The following HHAT variants were observed in gnomAD, a reference collection of about 807,000 sequenced individuals.
HHAT encodes hedgehog acyltransferase, also known as protein-cysteine N-palmitoyltransferase HHAT.
In HHAT, 47 loss-of-function variants were observed where a neutral mutation model predicts 70.8. That is an observed-to-expected ratio of 0.66 (90% CI 0.53 to 0.85). The LOEUF (loss-of-function observed/expected upper bound fraction) is 0.85, where lower values mean the gene tolerates loss of function less well. Ranked by LOEUF, HHAT falls within the 40% of genes least tolerant of loss-of-function variation. HHAT has a pLI of 0.00. For synonymous variants in HHAT, 228 were observed against 247.6 expected (o/e 0.92, Z 0.74); for missense variants, 609 against 604.8 (o/e 1.01, Z -0.07).
At chr1:210,602,167 G>A (rs535050052) in intron 10 of HHAT, among the ~76,000 whole-genome samples, 10 of 152,234 alleles carry the variant, frequency 6.6e-5, no homozygotes, top group African/African-American at 2.2e-4. Context: ...CTCAGGGGTC[G>A]AGTAAAATGA....
At chr1:210,351,294 G>A (rs2086993752) in intron 2 of HHAT, among the ~76,000 whole-genome samples, 1 of 152,144 alleles carries the variant, frequency 6.6e-6, no homozygotes, top group African/African-American at 2.4e-5. Context: ...TGGATTGGAT[G>A]GTGCCCACCT....
chr1:210,425,742 A>G (rs75296578), intron 7 of HHAT, among the ~76,000 whole-genome samples: 1 of 152,070 alleles, frequency 6.6e-6, no homozygotes, highest in Admixed American at 6.6e-5. Context: ...TGGTTACTAT[A>G]GCCCTTTAGT....
intron 3 of HHAT, among the ~76,000 whole-genome samples, chr1:210,373,235 G>C (rs1369204438): frequency 3.3e-5 from 5 of 152,106 alleles, no homozygotes; most frequent in African/African-American, 1.2e-4. Flanking sequence ...CAGAGAGAAA[G>C]GGGGACGGGA....
chr1:210,589,103 T>C (rs1661110946), intron 10 of HHAT: 1 of 152,236 alleles, frequency 6.6e-6, no homozygotes, highest in South Asian at 2.1e-4. Flanking sequence ...GGCATCAGTG[T>C]TCATGGCAGG....
chr1:210,362,903 T>C lies in HHAT; in HGVS notation c.143T>C (p.Phe48Ser), dbSNP rs201701816. 5.0e-6 allele frequency: 8 copies of C among 1,612,944 alleles called. No homozygotes were observed. Among genetic ancestry groups the C allele is most frequent in the Non-Finnish European group, 1.7e-6 (2 of 1,179,074 alleles). The change falls in exon 3 of 12, where the codon TTT (phenylalanine) becomes TCT (serine). Residue 48 changes from phenylalanine (F) to serine (S), a missense_variant. Physicochemically the swap from Phe to Ser is radical, Grantham distance 155. Transcript: ENST00000261458. ...TTTGAGCTGGAGACTGACACTTTAT[T>C]TGGAGGATTAAAGAAGGTACAAAGT... Reference protein sequence around the residue: ...QEFELETDTLFGGLKKDATDF... With the variant: ...QEFELETDTLSGGLKKDATDF...
At chr1:210,657,645 C>T (rs912580207) in intron 11 of HHAT, among the ~76,000 whole-genome samples, 2 of 152,232 alleles carry the variant, frequency 1.3e-5, no homozygotes, top group African/African-American at 4.8e-5. Flanking sequence ...ATGTCAGAAG[C>T]ATTTGCTGAC....
At chr1:210,660,860 A>G (rs1304704180) in intron 11 of HHAT, among the ~76,000 whole-genome samples, 4 of 152,236 alleles carry the variant, frequency 2.6e-5, no homozygotes, top group African/African-American at 9.6e-5. Context: ...CTGGCCAGCC[A>G]TATGTAGAAA....
At chr1:210,634,900 G>A (rs570106865) in intron 11 of HHAT, among the ~76,000 whole-genome samples, 1 of 152,328 alleles carries the variant, frequency 6.6e-6, no homozygotes, top group South Asian at 2.1e-4. Flanking sequence ...ATCTGAGGCA[G>A]GAGAAAGAGG....
At chr1:210,412,059 G>C (rs2092576269) in intron 6 of HHAT, among the ~76,000 whole-genome samples, 1 of 152,150 alleles carries the variant, frequency 6.6e-6, no homozygotes, top group Admixed American at 6.5e-5. Context: ...TCACAGGATG[G>C]TACCTGTCAC....
At chr1:210,537,030 A>G (rs1426560195) in intron 9 of HHAT, among the ~76,000 whole-genome samples, 3 of 143,898 alleles carry the variant, frequency 2.1e-5, no homozygotes, top group Non-Finnish European at 3.0e-5. Flanking sequence ...AAGAAGGTGT[A>G]AAAAAAAAAA....
At chr1:210,536,942 G>GGA (rs1435119205) in intron 9 of HHAT, among the ~76,000 whole-genome samples, 1 of 152,034 alleles carries the variant, frequency 6.6e-6, no homozygotes, top group Non-Finnish European at 1.5e-5. Flanking sequence ...CCTGGGGTGT[G>GGA]GAGAGAGAGG....
At chr1:210,558,381 G>A (rs1351325693) in intron 9 of HHAT, among the ~76,000 whole-genome samples, 2 of 152,182 alleles carry the variant, frequency 1.3e-5, no homozygotes, top group Non-Finnish European at 1.5e-5. Flanking sequence ...GGTAAGAGGG[G>A]CACCCTGTGC....
intron 3 of HHAT, among the ~76,000 whole-genome samples, chr1:210,372,210 G>T (rs1463878726): frequency 6.6e-6 from 1 of 152,134 alleles, no homozygotes; most frequent in Non-Finnish European, 1.5e-5. Context: ...TTAACAAAGT[G>T]TTTTCCATAT....
intron 1 of HHAT, among the ~76,000 whole-genome samples, chr1:210,334,178 A>ATTTTTTTTTTTTTTTTTTTTGTTTTTTT (rs2085267378): frequency 1.0e-5 from 1 of 99,956 alleles, no homozygotes; most frequent in Non-Finnish European, 2.0e-5. Context: ...TTAGCGTGTC[A>ATTTTTTTTTTTTTTTTTTTTGTTTTTTT]TTTTTTTTTT....
At chr1:210,446,849 C>T (rs532055106) in intron 7 of HHAT, among the ~76,000 whole-genome samples, 8 of 152,166 alleles carry the variant, frequency 5.3e-5, no homozygotes, top group Admixed American at 3.9e-4. Flanking sequence ...TTTTTCTGTG[C>T]GTAGGACTCA....
At chr1:210,333,424 T>C (rs189804530) in intron 1 of HHAT, among the ~76,000 whole-genome samples, 1 of 150,798 alleles carries the variant, frequency 6.6e-6, no homozygotes, top group Admixed American at 6.8e-5. Flanking sequence ...ACCCTGTCTC[T>C]TAAAAAATAA....
chr1:210,473,039 C>G (rs922630969), intron 8 of HHAT, among the ~76,000 whole-genome samples: 1 of 152,122 alleles, frequency 6.6e-6, no homozygotes, highest in Non-Finnish European at 1.5e-5. Context: ...AAAAGGTGCT[C>G]AACTCTCAGC....
chr1:210,371,801 C>G (rs571903578), intron 3 of HHAT, among the ~76,000 whole-genome samples: 8 of 152,252 alleles, frequency 5.3e-5, no homozygotes, highest in African/African-American at 1.9e-4. Context: ...GATCAATGTT[C>G]CTTTATAAGA....
intron 10 of HHAT, among the ~76,000 whole-genome samples, chr1:210,621,547 A>G (rs977396447): frequency 1.3e-5 from 2 of 152,168 alleles, no homozygotes; most frequent in Admixed American, 6.5e-5. Flanking sequence ...CCCAGAAAAT[A>G]TCTTCCTCTG....
Sources: gnomAD v4.1 joint callset for allele counts (sites outside exome capture counted in the v4.1 genomes callset) on GRCh38, gnomAD v4.1.1 for gene constraint, MANE v1.5 for transcripts, NCBI Gene and HGNC (gene_info 2026-07-23, HGNC 2026-07-21) for gene names.